Variants in PAX2 observed in about 807,000 individuals in gnomAD.
PAX2 encodes paired box 2, also known as paired box protein Pax-2.
A neutral mutation model predicts 41.7 loss-of-function variants in PAX2; 9 were observed. The ratio of observed to expected loss-of-function variants is 0.22; its 90% CI spans 0.13 to 0.38. PAX2 has a LOEUF of 0.38. Among genes scored for constraint, PAX2 ranks in the 10% least tolerant of loss-of-function variants. The pLI is 1.00. For missense variants in PAX2, 418 were observed against 531.6 expected, an observed-to-expected ratio of 0.79 and a Z score of 2.10; for synonymous variants, 221 against 212.7, an observed-to-expected ratio of 1.04 and a Z score of -0.34.
intron 7 of PAX2, among the ~76,000 whole-genome samples, chr10:100,819,123 T>C (rs1232581188): frequency 2.0e-5 from 3 of 151,362 alleles, no homozygotes; most frequent in South Asian, 2.1e-4. Flanking sequence ...TGGCAGGCGC[T>C]TGTAATCCCA....
In PAX2 at chr10:100,763,419, C is replaced by A. The variant is rs143714252; in HGVS notation, c.410+12528C>A. On this transcript the variant is annotated intron_variant, in intron 3 of 9. Transcript: ENST00000355243. ...TTTCAGAGAAAAATATTCCAGGAAACAAAGTGTTCTCATTAGAAAGCATCT... is the reference window on the plus strand; with the variant it reads ...TTTCAGAGAAAAATATTCCAGGAAAAAAAGTGTTCTCATTAGAAAGCATCT... Among the ~76,000 whole-genome samples, 773 of 152,326 alleles carry A rather than the reference C, an allele frequency of 5.1e-3. 11 individuals are homozygous for A. The highest frequency in any genetic ancestry group is 0.018 in the African/African-American group (741 of 41,568).
At chr10:100,813,143 G>A (rs935081921) in intron 7 of PAX2, among the ~76,000 whole-genome samples, 4 of 152,252 alleles carry the variant, frequency 2.6e-5, no homozygotes, top group Middle Eastern at 3.2e-3. Context: ...GATTGGACAG[G>A]CTCGCTCTAG....
intron 1 of PAX2, 72 bp from the exon 2 acceptor site, chr10:100,749,674 G>T (rs1014637726): frequency 6.4e-7 from 1 of 1,557,146 alleles, no homozygotes; most frequent in Non-Finnish European, 8.7e-7. Flanking sequence ...CCCGTCCCGG[G>T]CCGCGGACCC....
At chr10:100,787,880 T>C (rs907470390) in intron 5 of PAX2, among the ~76,000 whole-genome samples, 2 of 152,064 alleles carry the variant, frequency 1.3e-5, no homozygotes, top group African/African-American at 4.8e-5. Context: ...CAGTCATTAC[T>C]GCATACCTCT....
intron 3 of PAX2, among the ~76,000 whole-genome samples, chr10:100,773,165 T>G (rs1352434431): frequency 6.6e-6 from 1 of 152,228 alleles, no homozygotes; most frequent in Non-Finnish European, 1.5e-5. Flanking sequence ...TTGAGCAAGT[T>G]GTAATAAGCC....
intron 4 of PAX2, among the ~76,000 whole-genome samples, chr10:100,780,226 C>G (rs1029298186): frequency 6.6e-6 from 1 of 152,130 alleles, no homozygotes; most frequent in Non-Finnish European, 1.5e-5. Context: ...CCATCCTCCT[C>G]ATTCTTTGAG....
chr10:100,788,714 A>G lies in PAX2; in HGVS notation c.616+7349A>G, dbSNP rs114297487. 5.1e-3 allele frequency among the ~76,000 whole-genome samples: 776 copies of G among 152,222 alleles called. 11 individuals are homozygous for G. Among genetic ancestry groups the G allele is most frequent in the African/African-American group, 0.018 (742 of 41,518 alleles). The stretch of plus-strand genomic sequence containing the variant: ...GGAGAAGTTTTGCTGAGTACACACT[A>G]TTTTAGTGGGATGGGATTCAGCCTG... On this transcript the variant is annotated intron_variant, in intron 5 of 9. Transcript: ENST00000355243.
At chr10:100,810,865 C>T (rs181880800) in intron 7 of PAX2, among the ~76,000 whole-genome samples, 7 of 152,318 alleles carry the variant, frequency 4.6e-5, no homozygotes, top group Admixed American at 1.3e-4. Context: ...CCGCCTCCCC[C>T]CCATGGCCCT....
chr10:100,735,805 G>A, intron 1 of PAX2: 2 of 949,610 alleles, frequency 2.1e-6, no homozygotes, highest in Non-Finnish European at 2.5e-6. Context: ...GCCATGGCCG[G>A]GGCGGGCTCC....
intron 3 of PAX2, among the ~76,000 whole-genome samples, chr10:100,777,749 T>G (rs1484220677): frequency 6.6e-6 from 1 of 152,244 alleles, no homozygotes; most frequent in African/African-American, 2.4e-5. Flanking sequence ...GGTTTTCAAT[T>G]TGCAAAATGA....
chr10:100,746,368 A>G, intron 1 of PAX2, 65 bp downstream of exon 1: 3 of 1,157,292 alleles, frequency 2.6e-6, no homozygotes, highest in Non-Finnish European at 3.9e-6. Context: ...GTCCAGTCCC[A>G]GCGTGGCCCC....
At chr10:100,768,039 A>G (rs777116156) in intron 3 of PAX2, among the ~76,000 whole-genome samples, 1 of 151,252 alleles carries the variant, frequency 6.6e-6, no homozygotes, top group Non-Finnish European at 1.5e-5. Context: ...ATACACAGGT[A>G]TACAAATGCA....
At chr10:100,802,999 G>A (rs142842349) in intron 5 of PAX2, among the ~76,000 whole-genome samples, 326 of 151,954 alleles carry the variant, frequency 2.1e-3, no homozygotes, top group Middle Eastern at 0.014. Context: ...GTCCCATGCC[G>A]AGCTCGCTCC....
At chr10:100,735,610 G>T in exon 1 of PAX2, 1 of 982,890 alleles carries the variant, frequency 1.0e-6, no homozygotes, top group Non-Finnish European at 1.2e-6. Flanking sequence ...CCAGATCTCC[G>T]GGCGGCGGCG....
At chr10:100,741,856 G>A (rs1229364498), upstream of PAX2, among the ~76,000 whole-genome samples, 1 of 152,138 alleles carries the variant, frequency 6.6e-6, no homozygotes, top group Non-Finnish European at 1.5e-5. Flanking sequence ...AATTTGGTCC[G>A]CGCTGTGGGG....
At chr10:100,814,351 CAA>C (rs11458573) in intron 7 of PAX2, among the ~76,000 whole-genome samples, 3 of 53,728 alleles carry the variant, frequency 5.6e-5, no homozygotes, top group African/African-American at 1.8e-4. Context: ...GACTCCATCT[CAA>C]AAAAAAAAAA....
chr10:100,806,497 G>A lies in PAX2; in HGVS notation c.684G>A (p.Leu228=), dbSNP rs776580132. 9 of 1,614,238 alleles carry A rather than the reference G, an allele frequency of 5.6e-6. No homozygotes were observed. Among genetic ancestry groups the A allele is most frequent in the Non-Finnish European group, 5.9e-6 (7 of 1,180,038 alleles). Residue 228 remains leucine, a synonymous_variant, in exon 6 of 10, where the codon TTG becomes TTA. Transcript: ENST00000355243. ...QSGVDSLRKH[L]RADTFTQQQL... is the part of the protein sequence containing the mutation. ...GTGTGGACAGTTTGCGGAAGCACTT[G>A]CGAGCTGACACCTTCACCCAGCAGC...
At chr10:100,812,557 C>T (rs749827952) in intron 7 of PAX2, among the ~76,000 whole-genome samples, 40 of 152,202 alleles carry the variant, frequency 2.6e-4, no homozygotes, top group Non-Finnish European at 5.3e-4. Context: ...TCCCAGGGCC[C>T]TCCGGGTCAG....
intron 1 of PAX2, 122 bp downstream of exon 1, chr10:100,746,425 G>C (rs1460186354): frequency 1.3e-6 from 1 of 781,820 alleles, no homozygotes; most frequent in Non-Finnish European, 2.3e-6. Context: ...CTGGCTTCTG[G>C]TCCCTCTTTT....
Sources: gnomAD v4.1 joint callset for allele counts (sites outside exome capture counted in the v4.1 genomes callset) on GRCh38, gnomAD v4.1.1 for gene constraint, MANE v1.5 for transcripts, NCBI Gene and HGNC (gene_info 2026-07-23, HGNC 2026-07-21) for gene names.